Variants in TSPAN7 observed in about 807,000 individuals in gnomAD.
TSPAN7 encodes the protein tetraspanin 7.
A neutral mutation model predicts 17.6 loss-of-function variants in TSPAN7; 1 was observed. That is an observed-to-expected ratio of 0.06 (90% CI 0.02 to 0.27). TSPAN7 has a LOEUF of 0.27. Ranked by LOEUF, TSPAN7 falls within the 10% of genes least tolerant of loss-of-function variation. The pLI is 1.00. For synonymous variants in TSPAN7, 78 were observed against 79.0 expected (o/e 0.99, Z 0.07); for missense variants, 112 against 201.7 (o/e 0.56, Z 2.69).
chrX:38,634,836 T>C (rs957346339), intron 1 of TSPAN7, among the ~76,000 whole-genome samples: 15 of 110,996 alleles, frequency 1.4e-4, no homozygotes, highest in African/African-American at 3.9e-4. Context: ...GGTGCAAGGA[T>C]GAGCACTTGA....
intron 1 of TSPAN7, among the ~76,000 whole-genome samples, chrX:38,611,422 G>A (rs1174562146): frequency 8.9e-6 from 1 of 112,333 alleles, no homozygotes; most frequent in East Asian, 2.8e-4. Context: ...TTGGGGAAAT[G>A]GTGAGAACAA....
intron 1 of TSPAN7, among the ~76,000 whole-genome samples, chrX:38,631,423 C>T (rs1043595405): frequency 5.4e-5 from 6 of 110,893 alleles, no homozygotes; most frequent in South Asian, 7.8e-4. Context: ...ATGCAGCCTT[C>T]GGTATAAAAC....
In TSPAN7 at chrX:38,580,206, T is replaced by C. The variant is rs141493172; in HGVS notation, c.81+18579T>C. Among the ~76,000 whole-genome samples, 896 of 112,105 alleles carry C rather than the reference T, an allele frequency of 8.0e-3. 25 individuals carry two copies. Among genetic ancestry groups the C allele is most frequent in the Admixed American group, 0.072 (763 of 10,537 alleles). Reference sequence around the variant, plus strand: ...AGAGTTGAATAGCTACAACAGAGACTGTATGACCCAGAAAGCCTAAAATAT... The same window carrying C: ...AGAGTTGAATAGCTACAACAGAGACCGTATGACCCAGAAAGCCTAAAATAT... On this transcript the variant is annotated intron_variant, in intron 1 of 7. Coordinates refer to ENST00000378482, the MANE Select transcript of TSPAN7 (RefSeq NM_004615.4).
At chrX:38,669,646 G>C (rs1482611131) in intron 2 of TSPAN7, among the ~76,000 whole-genome samples, 3 of 112,298 alleles carry the variant, frequency 2.7e-5, no homozygotes, top group African/African-American at 9.7e-5. Flanking sequence ...CGGCTGATGA[G>C]AGCGGAAGTC....
chrX:38,579,042 A>G (rs1481182218), intron 1 of TSPAN7, among the ~76,000 whole-genome samples: 1 of 111,886 alleles, frequency 8.9e-6, no homozygotes, highest in Non-Finnish European at 1.9e-5. Context: ...GGGTGATAAG[A>G]CAATTAATAT....
chrX:38,655,143 C>T (rs2069695310), intron 1 of TSPAN7, among the ~76,000 whole-genome samples: 1 of 111,007 alleles, frequency 9.0e-6, no homozygotes, highest in Admixed American at 9.6e-5. Context: ...TGAGCAAAGT[C>T]ACGTATTATT....
rs144693309 is a variant in TSPAN7, at chrX:38,592,481, T to C, written c.81+30854T>C. Among the ~76,000 whole-genome samples the C allele has an allele frequency of 7.7e-3, 861 of 111,535 alleles. 23 individuals carry two copies. Among genetic ancestry groups the C allele is most frequent in the Admixed American group, 0.071 (744 of 10,469 alleles). On this transcript the variant is annotated intron_variant, in intron 1 of 7. Coordinates refer to ENST00000378482, the MANE Select transcript of TSPAN7 (RefSeq NM_004615.4). ...TTCTTTATTTCCTTTATCTCCTTTA[T>C]TTTTTATTTTTATGATTCTATTTTA... is the stretch of plus-strand genomic sequence containing the variant.
chrX:38,600,397 T>C (rs754735677), intron 1 of TSPAN7, among the ~76,000 whole-genome samples: 9 of 111,532 alleles, frequency 8.1e-5, no homozygotes, highest in Non-Finnish European at 1.1e-4. Flanking sequence ...ACATTCTTTT[T>C]TTGTAAAGCA....
rs138653577 is a variant in TSPAN7, at chrX:38,592,216, T to G, written c.81+30589T>G. ...CTGGAGATTACAATTCAACATGAGA[T>G]TTGGGTGGGGACACAGAGCCAAACC... On this transcript the variant is annotated intron_variant, in intron 1 of 7. Transcript: ENST00000378482. Among the ~76,000 whole-genome samples the G allele has an allele frequency of 2.4e-3, 271 of 111,574 alleles. 2 individuals carry two copies. Among genetic ancestry groups the G allele is most frequent in the African/African-American group, 7.6e-3 (233 of 30,739 alleles).
chrX:38,647,311 T>C (rs2069650295), intron 1 of TSPAN7, among the ~76,000 whole-genome samples: 1 of 111,696 alleles, frequency 9.0e-6, no homozygotes, highest in African/African-American at 3.3e-5. Context: ...GAGATGGGGC[T>C]TTACCATGTT....
chrX:38,598,444 A>G (rs2069329669), intron 1 of TSPAN7, among the ~76,000 whole-genome samples: 1 of 110,792 alleles, frequency 9.0e-6, no homozygotes, highest in Non-Finnish European at 1.9e-5. Flanking sequence ...TGTTTAGTAT[A>G]CCCTTTTTTT....
chrX:38,663,576 G>T (rs1341225086), intron 1 of TSPAN7, among the ~76,000 whole-genome samples: 2 of 112,134 alleles, frequency 1.8e-5, no homozygotes, highest in Non-Finnish European at 3.8e-5. Flanking sequence ...TTCTGAAAAT[G>T]GAGTATTTGT....
rs1001962309 is a variant in TSPAN7, at chrX:38,577,958, G to A, written c.81+16331G>A. 2.7e-5 allele frequency among the ~76,000 whole-genome samples: 3 copies of A among 110,644 alleles called. No individual in the cohort carries two copies. In the Admixed American group the frequency reaches 2.9e-4, roughly 11 times the overall value. ...GTGTAGGCCCCTGGACAGCTCTACT[G>A]TAGCCCATGCTTTTCCCTTCTGGCC... On this transcript the variant is annotated intron_variant, in intron 1 of 7. Coordinates refer to ENST00000378482, the MANE Select transcript of TSPAN7 (RefSeq NM_004615.4).
chrX:38,645,739 A>G (rs986375692), intron 1 of TSPAN7, among the ~76,000 whole-genome samples: 18 of 112,071 alleles, frequency 1.6e-4, no homozygotes, highest in Non-Finnish European at 1.1e-4. Flanking sequence ...AGATTCTCTC[A>G]GGAGGCAATT....
chrX:38,649,212 G>A (rs1033644432), intron 1 of TSPAN7, among the ~76,000 whole-genome samples: 2 of 111,056 alleles, frequency 1.8e-5, no homozygotes, highest in African/African-American at 3.3e-5. Flanking sequence ...TGACCGCCAA[G>A]CCCTCATTCT....
intron 1 of TSPAN7, among the ~76,000 whole-genome samples, chrX:38,651,301 T>A (rs2069674816): frequency 9.1e-6 from 1 of 110,168 alleles, no homozygotes; most frequent in African/African-American, 3.3e-5. Context: ...CCGTCTCTAC[T>A]AAAAATACAA....
At chrX:38,653,167 G>A (rs888858077) in intron 1 of TSPAN7, among the ~76,000 whole-genome samples, 2 of 112,104 alleles carry the variant, frequency 1.8e-5, no homozygotes, top group African/African-American at 6.5e-5. Flanking sequence ...CTGCAAAACA[G>A]AGATTAAGAA....
intron 5 of TSPAN7, among the ~76,000 whole-genome samples, chrX:38,678,853 G>A (rs1179263835): frequency 8.9e-6 from 1 of 111,882 alleles, no homozygotes; most frequent in Non-Finnish European, 1.9e-5. Context: ...GGCATATGAA[G>A]TGTCGGGAGA....
chrX:38,607,272 A>G (rs1292857863), intron 1 of TSPAN7, among the ~76,000 whole-genome samples: 1 of 111,983 alleles, frequency 8.9e-6, no homozygotes, highest in Non-Finnish European at 1.9e-5. Flanking sequence ...GTAGTGATGT[A>G]AAAACGAAAA....
Sources: allele counts gnomAD v4.1 joint callset (sites outside exome capture counted in the v4.1 genomes callset), GRCh38; gene constraint gnomAD v4.1.1; transcripts MANE v1.5; gene names NCBI Gene and HGNC (gene_info 2026-07-23, HGNC 2026-07-21).